NKAIN3: variants seen among roughly 807,000 people sequenced by gnomAD.
The protein encoded by NKAIN3 is sodium/potassium transporting ATPase interacting 3.
NKAIN3 carries 25 observed loss-of-function variants against 30.2 expected under a neutral mutation model. That is an observed-to-expected ratio of 0.83 (90% CI 0.60 to 1.16). The LOEUF is 1.16. Among genes scored for constraint, NKAIN3 ranks in the 50% most tolerant of loss-of-function variants. The pLI, the probability that NKAIN3 is intolerant of heterozygous loss-of-function variation, is 0.00. For synonymous variants in NKAIN3, 91 were observed against 89.6 expected (o/e 1.02, Z -0.09); for missense variants, 225 against 254.1 (o/e 0.89, Z 0.78).
intron 4 of NKAIN3, among the ~76,000 whole-genome samples, chr8:62,784,205 G>C (rs948170540): frequency 6.6e-6 from 1 of 151,850 alleles, no homozygotes; most frequent in Admixed American, 6.6e-5. Flanking sequence ...AATTTGTCTA[G>C]ATGTTCACTT....
At chr8:62,522,967 T>C (rs963610602) in intron 1 of NKAIN3, among the ~76,000 whole-genome samples, 1 of 152,050 alleles carries the variant, frequency 6.6e-6, no homozygotes, top group South Asian at 2.1e-4. Context: ...GTGTACAGCA[T>C]TTATAGTCTA....
Position 62,248,999 on chromosome 8 carries a change from T to G in NKAIN3, c.-75T>G. 7.2e-7 allele frequency: 1 copy of G among 1,383,828 alleles called. No homozygotes were observed. Among genetic ancestry groups the G allele is most frequent in the Non-Finnish European group, 9.9e-7 (1 of 1,013,926 alleles). The allele number at this position is 1,383,828 out of a possible 1,614,324, so 85.7% of individuals were successfully genotyped here. A position where few individuals can be genotyped will look rare whatever the true frequency, so the allele number is the denominator to read the frequency against. On this transcript the variant is annotated 5_prime_UTR_variant, in exon 1 of 7. Transcript: ENST00000623646. ...CTGGGCCGGGCCGGGCGGGGACTACTCCGGAGTCAGGAGGCAGCAGCGGCG... is the reference window on the plus strand; with the variant it reads ...CTGGGCCGGGCCGGGCGGGGACTACGCCGGAGTCAGGAGGCAGCAGCGGCG...
rs542021190 is a variant in NKAIN3 at position 62,879,412 on chromosome 8, G to A, written c.472-39041G>A. On this transcript the variant is annotated intron_variant, in intron 4 of 6. Transcript: ENST00000623646. Reference sequence around the variant, plus strand: ...AGGTCATTGTAGATTCTGGATATTAGCCCTTTTCCAGATGAGTAGATTGCA... The same window carrying A: ...AGGTCATTGTAGATTCTGGATATTAACCCTTTTCCAGATGAGTAGATTGCA... Among the ~76,000 whole-genome samples, 13 of 152,152 alleles carry A rather than the reference G, an allele frequency of 8.5e-5. No homozygotes were observed. The South Asian group carries it at 2.7e-3, about 32-fold the overall frequency.
rs545823043 is a variant in NKAIN3 at position 62,873,555 on chromosome 8, G to A, written c.472-44898G>A. ...TATACATTCCTCTCAGTACCACATG[G>A]CACTTATTCTAAAATTGACCATATA... On this transcript the variant is annotated intron_variant, in intron 4 of 6. Coordinates refer to ENST00000623646, the MANE Select transcript of NKAIN3 (RefSeq NM_001304533.3). Among the ~76,000 whole-genome samples the A allele has an allele frequency of 9.3e-5, 14 of 149,800 alleles. No homozygotes were observed. The East Asian group carries it at 9.7e-4, about 10-fold the overall frequency.
intron 3 of NKAIN3, among the ~76,000 whole-genome samples, chr8:62,701,641 T>A (rs554802256): frequency 6.6e-6 from 1 of 152,180 alleles, no homozygotes; most frequent in South Asian, 2.1e-4. Flanking sequence ...TGGAAAAAAA[T>A]GATGTGACGT....
intron 1 of NKAIN3, among the ~76,000 whole-genome samples, chr8:62,331,725 A>G (rs1322293051): frequency 1.3e-5 from 2 of 152,174 alleles, no homozygotes; most frequent in Non-Finnish European, 2.9e-5. Flanking sequence ...AGAGACAAAC[A>G]TCTACTATTT....
chr8:62,654,813 C>T (rs1563502093), intron 3 of NKAIN3, among the ~76,000 whole-genome samples: 1 of 151,788 alleles, frequency 6.6e-6, no homozygotes. Context: ...GAATTAAAAA[C>T]AAGGCAAACA....
At chr8:62,677,148 G>A (rs1440165246) in intron 3 of NKAIN3, among the ~76,000 whole-genome samples, 5 of 152,194 alleles carry the variant, frequency 3.3e-5, no homozygotes, top group African/African-American at 1.2e-4. Flanking sequence ...ACATTGTCTG[G>A]AGGACTACTG....
chr8:62,701,534 C>A (rs1027556465), intron 3 of NKAIN3, among the ~76,000 whole-genome samples: 9 of 152,264 alleles, frequency 5.9e-5, no homozygotes, highest in Middle Eastern at 6.8e-3. Flanking sequence ...GACTAACGAT[C>A]CCTCCTGCGC....
chr8:62,686,829 A>G (rs1430078185), intron 3 of NKAIN3, among the ~76,000 whole-genome samples: 2 of 152,216 alleles, frequency 1.3e-5, no homozygotes, highest in Non-Finnish European at 2.9e-5. Flanking sequence ...TTATAAATAT[A>G]TTAAGTAAAC....
At chr8:62,502,928 C>A (rs1369853421) in intron 1 of NKAIN3, among the ~76,000 whole-genome samples, 7 of 152,132 alleles carry the variant, frequency 4.6e-5, no homozygotes, top group Non-Finnish European at 4.4e-5. Context: ...ACTTCTTGTG[C>A]AGCTGTAAAA....
rs186756600 is a variant in NKAIN3 at position 62,386,312 on chromosome 8, T to A, written c.54+137185T>A. ...TAACACTCACCTCTTAGGATTGTTTTCAAAACTAAAAAATGTTTAAAAATG... is the reference window on the plus strand; with the variant it reads ...TAACACTCACCTCTTAGGATTGTTTACAAAACTAAAAAATGTTTAAAAATG... On this transcript the variant is annotated intron_variant, in intron 1 of 6. Coordinates refer to ENST00000623646, the MANE Select transcript of NKAIN3 (RefSeq NM_001304533.3). 5.9e-5 allele frequency among the ~76,000 whole-genome samples: 9 copies of A among 152,328 alleles called. No homozygotes were observed. In the East Asian group the frequency reaches 1.7e-3, roughly 29 times the overall value.
chr8:62,735,651 C>T (rs570716165), intron 3 of NKAIN3, among the ~76,000 whole-genome samples: 72 of 152,232 alleles, frequency 4.7e-4, no homozygotes, highest in Non-Finnish European at 8.7e-4. Context: ...GGTGATTCAG[C>T]GATTTCTTCT....
At chr8:62,540,303 T>G (rs1808798269) in intron 1 of NKAIN3, among the ~76,000 whole-genome samples, 1 of 152,182 alleles carries the variant, frequency 6.6e-6, no homozygotes, top group Non-Finnish European at 1.5e-5. Context: ...TTTAACATTT[T>G]TCGCTATCCC....
Position 62,965,387 on chromosome 8 carries a change from C to T in NKAIN3, c.637C>T (p.Arg213Trp), listed in dbSNP as rs761653604. 6.1e-6 allele frequency: 6 copies of T among 985,516 alleles called. No homozygotes were observed. Among genetic ancestry groups the T allele is most frequent in the Middle Eastern group, 5.2e-4 (1 of 1,936 alleles). The allele number at this position is 985,516 out of a possible 1,614,324, so 61.0% of individuals were successfully genotyped here. A position where few individuals can be genotyped will look rare whatever the true frequency, so the allele number is the denominator to read the frequency against. The change falls in exon 7 of 7, where the codon CGG becomes TGG. Residue 213 changes from arginine to tryptophan, a missense_variant. By Grantham distance (101) the Arg-to-Trp change is moderately radical. Transcript: ENST00000623646. ...EISNDIEPEM[R>W]LLNLT Reference sequence around the variant, plus strand: ...AAGTAATGACATTGAACCAGAAATGCGGCTGCTGAACTTGACTTAGGGAGC... The same window carrying T: ...AAGTAATGACATTGAACCAGAAATGTGGCTGCTGAACTTGACTTAGGGAGC...
chr8:62,695,523 A>G (rs1310180046), intron 3 of NKAIN3, among the ~76,000 whole-genome samples: 1 of 152,208 alleles, frequency 6.6e-6, no homozygotes, highest in Non-Finnish European at 1.5e-5. Context: ...TATCTCTGAA[A>G]ACAGAATCTG....
intron 1 of NKAIN3, among the ~76,000 whole-genome samples, chr8:62,275,291 C>T (rs1236408197): frequency 6.6e-6 from 1 of 152,168 alleles, no homozygotes; most frequent in Non-Finnish European, 1.5e-5. Flanking sequence ...TGCATTCTAA[C>T]TGGTGTGAGA....
chr8:62,936,229 G>C (rs1022331142), intron 5 of NKAIN3, among the ~76,000 whole-genome samples: 4 of 152,172 alleles, frequency 2.6e-5, no homozygotes, highest in African/African-American at 9.7e-5. Context: ...TCTGAAGTCA[G>C]GGTTGATGTG....
chr8:62,350,717 G>A (rs373270883), intron 1 of NKAIN3, among the ~76,000 whole-genome samples: 3 of 151,928 alleles, frequency 2.0e-5, no homozygotes, highest in Non-Finnish European at 2.9e-5. Flanking sequence ...TTGAGACAGA[G>A]TCTCACTCTG....
Sources: allele counts gnomAD v4.1 joint callset (sites outside exome capture counted in the v4.1 genomes callset), GRCh38; gene constraint gnomAD v4.1.1; transcripts MANE v1.5; gene names NCBI Gene and HGNC (gene_info 2026-07-23, HGNC 2026-07-21).